The following HMCN1 variants were observed in gnomAD, a reference collection of about 807,000 sequenced individuals.
HMCN1 encodes hemicentin-1.
In HMCN1, 321 loss-of-function variants were observed where a neutral mutation model predicts 625.9. The observed-to-expected ratio is 0.51, with a 90% CI of 0.47 to 0.56. The LOEUF is 0.56. Among genes scored for constraint, HMCN1 ranks in the 20% least tolerant of loss-of-function variants. The pLI is 0.00. For synonymous variants in HMCN1, 2,425 were observed against 2,417.6 expected (o/e 1.00, Z -0.09); for missense variants, 6,588 against 6,887.3 (o/e 0.96, Z 1.54).
At position 186,103,597 on chromosome 1, in the gene HMCN1, CG is replaced by C; in HGVS notation, c.10701del (p.Leu3569PhefsTer10). On this transcript the variant is annotated frameshift_variant, in exon 69 of 107. Coordinates refer to ENST00000271588, the MANE Select transcript of HMCN1 (RefSeq NM_031935.3). LOFTEE classifies it high-confidence loss of function. ...APKMTWMKDG[R>X]PLPQTDQVQT... ...TAAAATGACCTGGATGAAAGATGGC[CG>C]GCCCCTTCCACAGACGGATCAAGTG... The C allele has an allele frequency of 6.2e-7, 1 of 1,613,876 alleles. No individual in the cohort carries two copies. The highest frequency in any genetic ancestry group is 1.3e-5 in the African/African-American group (1 of 75,028).
chr1:186,116,304 T>C (rs1299160271), intron 75 of HMCN1, among the ~76,000 whole-genome samples: 2 of 152,142 alleles, frequency 1.3e-5, no homozygotes, highest in African/African-American at 4.8e-5. Context: ...ATAGATATTC[T>C]AATTTAGATT....
rs536843533 is a variant in HMCN1 at position 186,005,317 on chromosome 1, T to C, written c.4475+1473T>C. Among the ~76,000 whole-genome samples the C allele has an allele frequency of 3.1e-4, 46 of 146,064 alleles. 4 individuals are homozygous for C. Among genetic ancestry groups the C allele is most frequent in the Non-Finnish European group, 4.1e-4 (27 of 66,264 alleles). ...TTTAATTGTTTAAATTGTTTATAAA[T>C]GTTTATAAACAATTTTTTAATTGTT... On this transcript the variant is annotated intron_variant, in intron 29 of 106. Coordinates refer to ENST00000271588, the MANE Select transcript of HMCN1 (RefSeq NM_031935.3).
At position 186,057,243 on chromosome 1, in the gene HMCN1, G is replaced by A. The variant is rs1657393070; in HGVS notation, c.7154G>A (p.Ser2385Asn). ...KYDLSVHAPP[S>N]IIGNHRSPEN... ...TTATTTTGTCTTACAGCTCCTCCAA[G>A]CATCATAGGAAACCACAGGTCACCT... The change falls in exon 46 of 107, where the codon AGC becomes AAC. Residue 2385 changes from serine to asparagine, a missense_variant. This residue lies in a region of HMCN1 where 4,628 missense variants were observed against 4,853.1 expected (regional missense o/e 0.95). Coordinates refer to ENST00000271588, the MANE Select transcript of HMCN1 (RefSeq NM_031935.3). 2 of 1,610,812 alleles carry A rather than the reference G, an allele frequency of 1.2e-6. No homozygotes were observed. The highest frequency in any genetic ancestry group is 1.7e-6 in the Non-Finnish European group (2 of 1,177,776).
At chr1:185,867,605 C>CAGAGAT (rs1171507667) in intron 4 of HMCN1, among the ~76,000 whole-genome samples, 1 of 151,984 alleles carries the variant, frequency 6.6e-6, no homozygotes, top group Non-Finnish European at 1.5e-5. Context: ...GTGCAGTGCA[C>CAGAGAT]AGAGATAGAG....
At chr1:185,818,619 G>A (rs1030289005) in intron 1 of HMCN1, among the ~76,000 whole-genome samples, 5 of 151,940 alleles carry the variant, frequency 3.3e-5, no homozygotes, top group Non-Finnish European at 7.4e-5. Context: ...CTGAGATTTT[G>A]GGCTTTTTTT....
chr1:186,166,208 A>C lies in HMCN1; in HGVS notation c.15344A>C (p.Asn5115Thr). 2 of 1,613,652 alleles carry C rather than the reference A, an allele frequency of 1.2e-6. No homozygotes were observed. The highest frequency in any genetic ancestry group is 1.7e-6 in the Non-Finnish European group (2 of 1,179,590). Residue 5115 changes from asparagine (N) to threonine (T), a missense_variant, in exon 99 of 107, where the codon AAT becomes ACT. Physicochemically the swap from Asn to Thr is moderately conservative, Grantham distance 65. Around this residue, in one of 3 missense-constraint regions of HMCN1, gnomAD observed 1,954 missense variants for 2,013.1 expected, o/e 0.97. Coordinates refer to ENST00000271588, the MANE Select transcript of HMCN1 (RefSeq NM_031935.3). ...CADEDECAAGNPCSHSCHNAM... is the reference protein window; with the variant it reads ...CADEDECAAGTPCSHSCHNAM... ...GATGAGGATGAATGTGCAGCAGGGAATCCCTGCTCCCATAGCTGCCACAAT... is the reference window on the plus strand; with the variant it reads ...GATGAGGATGAATGTGCAGCAGGGACTCCCTGCTCCCATAGCTGCCACAAT...
chr1:186,165,941 T>C (rs927203935), intron 98 of HMCN1, among the ~76,000 whole-genome samples: 5 of 152,236 alleles, frequency 3.3e-5, no homozygotes, highest in Non-Finnish European at 7.3e-5. Context: ...ATGATAAATA[T>C]ATTTTAGCTA....
At chr1:185,915,220 A>C (rs991360140) in intron 6 of HMCN1, among the ~76,000 whole-genome samples, 1 of 152,110 alleles carries the variant, frequency 6.6e-6, no homozygotes, top group Non-Finnish European at 1.5e-5. Context: ...GAAATAACAT[A>C]AAGTTTTATT....
In HMCN1 at chr1:186,018,137, T is replaced by C. The variant is rs189872630; in HGVS notation, c.5301-46T>C. On this transcript the variant is annotated intron_variant, in intron 33 of 106. Coordinates refer to ENST00000271588, the MANE Select transcript of HMCN1 (RefSeq NM_031935.3). ...ACTTTATATATCTTCTAGGATATGA[T>C]TTACTTAAAATATTTATCCAGACTT... The C allele has an allele frequency of 9.4e-5, 138 of 1,474,030 alleles. No individual in the cohort carries two copies. In the East Asian group the frequency reaches 2.8e-3, roughly 30 times the overall value. 91.3% of individuals were successfully genotyped at this position (1,474,030 alleles called of 1,614,324 possible). A position where few individuals can be genotyped will look rare whatever the true frequency, so the allele number is the denominator to read the frequency against.
chr1:186,077,526 G>T (rs933134743), intron 54 of HMCN1, among the ~76,000 whole-genome samples: 1 of 152,044 alleles, frequency 6.6e-6, no homozygotes, highest in East Asian at 1.9e-4. Context: ...TTCAGAAAAA[G>T]ATTATATACA....
chr1:186,051,227 C>T (rs943652235), intron 42 of HMCN1, among the ~76,000 whole-genome samples: 5 of 151,892 alleles, frequency 3.3e-5, no homozygotes, highest in South Asian at 4.1e-4. Flanking sequence ...AAAGAAGGAC[C>T]GGATGCTCAG....
At position 186,152,846 on chromosome 1, in the gene HMCN1, A is replaced by G. The variant is rs773919415; in HGVS notation, c.14993A>G (p.Gln4998Arg). 6.2e-7 allele frequency: 1 copy of G among 1,613,932 alleles called. No individual in the cohort carries two copies. Among genetic ancestry groups the G allele is most frequent in the Non-Finnish European group, 8.5e-7 (1 of 1,179,846 alleles). ...GTGAGTGGCTATGTCCTACAGCTTC[A>G]GTCACCTGCTGAAGTCACTGTAAAG... ...IVVSGYVLQL[Q>R]SPAEVTVKDY... Residue 4998 changes from glutamine to arginine, a missense_variant, in exon 96 of 107, where the codon CAG (glutamine) becomes CGG (arginine). Physicochemically the swap from Gln to Arg is conservative, Grantham distance 43 (BLOSUM62 1). Transcript: ENST00000271588.
intron 95 of HMCN1, 103 bp downstream of exon 95, chr1:186,151,846 T>G: frequency 8.3e-7 from 1 of 1,209,936 alleles, no homozygotes; most frequent in South Asian, 1.3e-5. Flanking sequence ...TTGAAACTTT[T>G]TACGCAATCT....
At chr1:186,110,543 T>C (rs981738396) in intron 71 of HMCN1, among the ~76,000 whole-genome samples, 1 of 152,054 alleles carries the variant, frequency 6.6e-6, no homozygotes, top group African/African-American at 2.4e-5. Context: ...CTTCAAAGAG[T>C]GATCAAAGTA....
Position 186,082,877 on chromosome 1 carries a change from CAAATAACAGAT to C in HMCN1, c.8802_8812del (p.Gln2934HisfsTer9). The C allele has an allele frequency of 6.3e-7, 1 of 1,580,116 alleles. No homozygotes were observed. The highest frequency in any genetic ancestry group is 8.6e-7 in the Non-Finnish European group (1 of 1,160,902). On this transcript the variant is annotated frameshift_variant, in exon 57 of 107. Coordinates refer to ENST00000271588, the MANE Select transcript of HMCN1 (RefSeq NM_031935.3). LOFTEE classifies it high-confidence loss of function. ...ATTTTTCCCTTAGATTCTGAATACT[CAAATAACAGAT>C]ATCGGCAGGTATGTGTGTGTTGCTG...
chr1:186,015,261 C>T lies in HMCN1; in HGVS notation c.4733C>T (p.Ala1578Val), dbSNP rs142686709. 1.9e-6 allele frequency: 3 copies of T among 1,613,620 alleles called. No individual in the cohort carries two copies. Among genetic ancestry groups the T allele is most frequent in the African/African-American group, 1.3e-5 (1 of 74,890 alleles). ...GAAACACGGGGACTTCCAATGCCTGCCATTACTTGGTATAAGGACGGGCAG... is the reference window on the plus strand; with the variant it reads ...GAAACACGGGGACTTCCAATGCCTGTCATTACTTGGTATAAGGACGGGCAG... ...ECETRGLPMP[A>V]ITWYKDGQPI... Residue 1578 changes from alanine (A) to valine (V), a missense_variant, in exon 31 of 107, where the codon GCC becomes GTC. This residue lies in a region of HMCN1 where 4,628 missense variants were observed against 4,853.1 expected (regional missense o/e 0.95). Coordinates refer to ENST00000271588, the MANE Select transcript of HMCN1 (RefSeq NM_031935.3).
chr1:185,886,776 C>T (rs1442924544), intron 4 of HMCN1, among the ~76,000 whole-genome samples: 1 of 152,096 alleles, frequency 6.6e-6, no homozygotes, highest in Non-Finnish European at 1.5e-5. Flanking sequence ...CTACTTTTCC[C>T]TACCCAATCC....
intron 2 of HMCN1, among the ~76,000 whole-genome samples, chr1:185,860,802 A>G (rs965259776): frequency 6.6e-6 from 1 of 152,182 alleles, no homozygotes; most frequent in Non-Finnish European, 1.5e-5. Flanking sequence ...CTTTCCTTTG[A>G]TTATTAACCA....
chr1:186,153,221 TTGTTTATTCA>T (rs1241065816), intron 96 of HMCN1, among the ~76,000 whole-genome samples: 1 of 152,236 alleles, frequency 6.6e-6, no homozygotes, highest in African/African-American at 2.4e-5. Flanking sequence ...TTTCACATCT[TTGTTTATTCA>T]TGACCTATAA....
Sources: gnomAD v4.1 joint callset for allele counts (sites outside exome capture counted in the v4.1 genomes callset) on GRCh38, gnomAD v4.1.1 for gene constraint, gnomAD v4.1.1 regional missense constraint, MANE v1.5 for transcripts, NCBI Gene and HGNC (gene_info 2026-07-23, HGNC 2026-07-21) for gene names.